PPP1R1C: variants seen among roughly 807,000 people sequenced by gnomAD.
PPP1R1C encodes protein phosphatase 1 regulatory inhibitor subunit 1C, also known as protein phosphatase 1 regulatory subunit 1C.
A neutral mutation model predicts 17.4 loss-of-function variants in PPP1R1C; 15 were observed. The ratio of observed to expected loss-of-function variants is 0.86; its 90% CI spans 0.58 to 1.33. PPP1R1C has a LOEUF of 1.33. Among genes scored for constraint, PPP1R1C ranks in the 40% most tolerant of loss-of-function variants. The probability of loss-of-function intolerance (pLI) is 0.00; values close to 1 mark genes in which losing one functional copy is unlikely to be tolerated. For missense variants in PPP1R1C, 143 were observed against 130.0 expected (o/e 1.10, Z -0.48); for synonymous variants, 35 against 43.1 (o/e 0.81, Z 0.73).
At chr2:182,119,101 G>A (rs1376487951), downstream of PPP1R1C, among the ~76,000 whole-genome samples, 2 of 151,584 alleles carry the variant, frequency 1.3e-5, no homozygotes, top group Admixed American at 6.6e-5. Flanking sequence ...TCCCCTTCCT[G>A]TGTCCGTGTG....
chr2:181,984,041 T>TC (rs547695375), upstream of PPP1R1C, among the ~76,000 whole-genome samples: 152 of 152,358 alleles, frequency 1.0e-3, no homozygotes, highest in Admixed American at 8.5e-3. Context: ...TTTCACTTTA[T>TC]CACCTATTAT....
chr2:182,075,349 G>T (rs1688266983), intron 4 of PPP1R1C, among the ~76,000 whole-genome samples: 1 of 152,188 alleles, frequency 6.6e-6, no homozygotes, highest in African/African-American at 2.4e-5. Context: ...GCTAAAGCTA[G>T]AATTGTTATA....
intron 2 of PPP1R1C, among the ~76,000 whole-genome samples, chr2:182,016,836 T>C (rs1686275635): frequency 6.6e-6 from 1 of 152,214 alleles, no homozygotes; most frequent in African/African-American, 2.4e-5. Flanking sequence ...TACTTATCCT[T>C]CTGTTAGCAA....
chr2:182,012,770 T>A (rs1472237506), intron 2 of PPP1R1C, among the ~76,000 whole-genome samples: 1 of 152,088 alleles, frequency 6.6e-6, no homozygotes. Context: ...GTCTTCTGTA[T>A]GTTTTGTGAT....
chr2:182,008,918 T>C (rs1055785928), intron 2 of PPP1R1C, among the ~76,000 whole-genome samples: 2 of 152,212 alleles, frequency 1.3e-5, no homozygotes, highest in Non-Finnish European at 2.9e-5. Context: ...CCACTTAACA[T>C]AATGATGTCC....
intron 2 of PPP1R1C, among the ~76,000 whole-genome samples, chr2:182,044,319 A>G (rs1047528532): frequency 2.0e-5 from 3 of 152,180 alleles, no homozygotes; most frequent in Non-Finnish European, 4.4e-5. Flanking sequence ...AAATCCCTGA[A>G]TCATCTAGTC....
At chr2:182,046,564 CA>C (rs146696724) in intron 2 of PPP1R1C, among the ~76,000 whole-genome samples, 6,182 of 119,030 alleles carry the variant, frequency 0.052, 357 homozygotes, top group Admixed American at 0.21. Flanking sequence ...CGTCTCTACT[CA>C]AAAAAAAAAA....
At chr2:182,068,425 G>T (rs1688049621) in intron 4 of PPP1R1C, among the ~76,000 whole-genome samples, 1 of 152,196 alleles carries the variant, frequency 6.6e-6, no homozygotes, top group African/African-American at 2.4e-5. Context: ...GGACTTCCAG[G>T]AGAATAAAAT....
intron 2 of PPP1R1C, among the ~76,000 whole-genome samples, chr2:182,020,424 A>T (rs559029805): frequency 6.6e-6 from 1 of 152,204 alleles, no homozygotes; most frequent in African/African-American, 2.4e-5. Context: ...TGAGAGCCAC[A>T]TGAGGATTCT....
Position 181,995,113 on chromosome 2 carries a change from C to A in PPP1R1C, c.142+7214C>A, listed in dbSNP as rs561923653. 1.7e-3 allele frequency among the ~76,000 whole-genome samples: 265 copies of A among 152,240 alleles called. 1 individual carries two copies. Among genetic ancestry groups the A allele is most frequent in the Non-Finnish European group, 3.2e-3 (221 of 68,008 alleles). On this transcript the variant is annotated intron_variant, in intron 2 of 4. Transcript: ENST00000682840. ...TCCACATGGAGAAACTTATCTGAGA[C>A]ATATTTACAATCTGACATATGCATT... is the stretch of plus-strand genomic sequence containing the variant.
At chr2:181,960,762 C>G (rs907405048) in intron 1 of PPP1R1C, among the ~76,000 whole-genome samples, 4 of 152,202 alleles carry the variant, frequency 2.6e-5, no homozygotes, top group Admixed American at 2.6e-4. Flanking sequence ...ATGCTGCCAT[C>G]TGGGAATCAC....
intron 1 of PPP1R1C, among the ~76,000 whole-genome samples, chr2:181,963,569 C>A (rs537461862): frequency 6.6e-6 from 1 of 152,044 alleles, no homozygotes; most frequent in African/African-American, 2.4e-5. Flanking sequence ...AACTGGGACC[C>A]GGGAGGCAGA....
intron 2 of PPP1R1C, among the ~76,000 whole-genome samples, chr2:182,006,005 T>G (rs1030898321): frequency 6.6e-6 from 1 of 151,848 alleles, no homozygotes; most frequent in African/African-American, 2.4e-5. Flanking sequence ...AATAAAACAT[T>G]AATAGTTTGG....
chr2:182,098,911 A>G (rs1040170708), intron 4 of PPP1R1C, among the ~76,000 whole-genome samples: 1 of 152,230 alleles, frequency 6.6e-6, no homozygotes, highest in Non-Finnish European at 1.5e-5. Flanking sequence ...CAATGCCTGG[A>G]CTAAAATTGC....
At chr2:182,078,010 T>C (rs957097810) in intron 4 of PPP1R1C, among the ~76,000 whole-genome samples, 1 of 151,994 alleles carries the variant, frequency 6.6e-6, no homozygotes, top group Non-Finnish European at 1.5e-5. Flanking sequence ...AACCCCTATC[T>C]CTACTTGAAA....
intron 5 of PPP1R1C, among the ~76,000 whole-genome samples, chr2:182,124,304 G>GTTTTTTTTTGTT (rs1215168165): frequency 1.0e-4 from 8 of 77,640 alleles, no homozygotes; most frequent in Admixed American, 4.0e-4. Context: ...CTCCAGCTTT[G>GTTTTTTTTTGTT]TTTTTTTTTG....
intron 2 of PPP1R1C, among the ~76,000 whole-genome samples, chr2:182,047,883 G>A (rs894067231): frequency 1.1e-4 from 17 of 152,242 alleles, no homozygotes; most frequent in African/African-American, 3.6e-4. Flanking sequence ...TGAATCATGA[G>A]ATAATTACTA....
chr2:182,105,060 G>A (rs1438980634), intron 4 of PPP1R1C, among the ~76,000 whole-genome samples: 1 of 151,796 alleles, frequency 6.6e-6, no homozygotes, highest in African/African-American at 2.4e-5. Flanking sequence ...AAGAGATATT[G>A]TAAAAAAAAA....
chr2:181,956,808 T>C (rs1684677778), intron 1 of PPP1R1C, among the ~76,000 whole-genome samples: 2 of 152,200 alleles, frequency 1.3e-5, no homozygotes, highest in Non-Finnish European at 2.9e-5. Flanking sequence ...TGCATGTGTT[T>C]AAAAAATGGC....
Sources: allele counts gnomAD v4.1 joint callset (sites outside exome capture counted in the v4.1 genomes callset), GRCh38; gene constraint gnomAD v4.1.1; transcripts MANE v1.5; gene names NCBI Gene and HGNC (gene_info 2026-07-23, HGNC 2026-07-21).